TLCD4: variants seen among roughly 807,000 people sequenced by gnomAD.
The protein encoded by TLCD4 is TLC domain-containing protein 4.
A neutral mutation model predicts 24.2 loss-of-function variants in TLCD4; 7 were observed. The observed-to-expected ratio is 0.29, with a 90% confidence interval of 0.16 to 0.54. The LOEUF (loss-of-function observed/expected upper bound fraction) is 0.54. TLCD4 is among the 20% of genes least tolerant of loss of function. TLCD4 has a pLI of 0.95. For missense variants in TLCD4, 259 were observed against 313.9 expected (o/e 0.82, Z 1.32); for synonymous variants, 103 against 106.4 (o/e 0.97, Z 0.20).
At chr1:95,188,608 C>T (rs1163302380) in intron 6 of TLCD4, among the ~76,000 whole-genome samples, 1 of 151,954 alleles carries the variant, frequency 6.6e-6, no homozygotes, top group African/African-American at 2.4e-5. Flanking sequence ...TTATTTTATA[C>T]TTTAGGTTAT....
intron 2 of TLCD4, among the ~76,000 whole-genome samples, chr1:95,148,311 T>C (rs1053081322): frequency 1.3e-5 from 2 of 152,348 alleles, no homozygotes; most frequent in Non-Finnish European, 2.9e-5. Flanking sequence ...GCAGGAAACT[T>C]ATCCTGCATT....
chr1:95,109,917 A>C, the TLCD4 span, among the ~76,000 whole-genome samples: 1 of 3,830 alleles, frequency 2.6e-4, no homozygotes, highest in Non-Finnish European at 3.8e-4. Context: ...GTATGCATAT[A>C]TATATATATA....
intron 6 of TLCD4, among the ~76,000 whole-genome samples, chr1:95,184,714 T>C (rs1380869341): frequency 6.6e-6 from 1 of 152,208 alleles, no homozygotes; most frequent in East Asian, 1.9e-4. Context: ...CCCACATGCA[T>C]GTTTTCCTCC....
At chr1:95,150,064 T>C (rs1237268610) in intron 3 of TLCD4, 144 bp from the exon 4 acceptor site, 2 of 1,159,878 alleles carry the variant, frequency 1.7e-6, no homozygotes, top group African/African-American at 3.1e-5. Context: ...CATTGTGTGT[T>C]TTGCAATTTT....
chr1:95,112,396 TAAATA>T (rs1676357466), upstream of TLCD4, among the ~76,000 whole-genome samples: 1 of 151,840 alleles, frequency 6.6e-6, no homozygotes, highest in Non-Finnish European at 1.5e-5. Flanking sequence ...AAACAGCAAA[TAAATA>T]AAAGAAAAAA....
At chr1:95,141,846 A>G (rs1463493541) in intron 1 of TLCD4, among the ~76,000 whole-genome samples, 1 of 130,858 alleles carries the variant, frequency 7.6e-6, no homozygotes, top group African/African-American at 2.6e-5. Flanking sequence ...GAATGAGGAA[A>G]GAATTCATTA....
intron 5 of TLCD4, among the ~76,000 whole-genome samples, chr1:95,173,327 T>TC (rs1678295390): frequency 6.6e-6 from 1 of 151,952 alleles, no homozygotes; most frequent in Admixed American, 6.5e-5. Flanking sequence ...TTTTTTTTTT[T>TC]GAGACGGAGT....
intron 5 of TLCD4, among the ~76,000 whole-genome samples, chr1:95,156,069 A>G (rs1186628690): frequency 1.3e-5 from 2 of 152,154 alleles, no homozygotes; most frequent in Non-Finnish European, 2.9e-5. Context: ...TGGGCTTAGT[A>G]AGTATAATGT....
the TLCD4 span, among the ~76,000 whole-genome samples, chr1:95,097,789 A>G: frequency 7.2e-5 from 11 of 152,356 alleles, no homozygotes; most frequent in East Asian, 1.9e-3. Context: ...GACACAAGAA[A>G]TAGTTGATAA....
chr1:95,150,345 T>C, intron 4 of TLCD4, 79 bp downstream of exon 4: 1 of 1,535,772 alleles, frequency 6.5e-7, no homozygotes, highest in Non-Finnish European at 8.7e-7. Context: ...AGTCTATGCT[T>C]TTGGTTTATT....
At chr1:95,171,123 A>C (rs1197617374) in intron 5 of TLCD4, among the ~76,000 whole-genome samples, 2 of 152,160 alleles carry the variant, frequency 1.3e-5, no homozygotes, top group East Asian at 3.9e-4. Flanking sequence ...TGTTATTTTA[A>C]ATTTTTGTAT....
At chr1:95,171,036 T>C (rs1272985814) in intron 5 of TLCD4, among the ~76,000 whole-genome samples, 2 of 146,444 alleles carry the variant, frequency 1.4e-5, no homozygotes, top group African/African-American at 5.3e-5. Context: ...GCTCAGACAT[T>C]TGTGCTTTTC....
chr1:95,193,509 A>G lies in TLCD4; in HGVS notation c.*1641A>G, dbSNP rs1679091841. ...AATTGAACTCATACCAAAAGATGTA[A>G]TCCAGTTTCTCAGTTTGAAGGAGAA... On this transcript the variant is annotated 3_prime_UTR_variant, in exon 7 of 7. Transcript: ENST00000370203. 1 of 152,102 alleles carries G rather than the reference A, an allele frequency of 6.6e-6. No individual in the cohort carries two copies. Among genetic ancestry groups the G allele is most frequent in the Admixed American group, 6.5e-5 (1 of 15,280 alleles). The allele number at this position is 152,102 out of a possible 1,614,324, so 9.4% of individuals were successfully genotyped here.
chr1:95,111,464 G>C, the TLCD4 span, among the ~76,000 whole-genome samples: 1 of 152,218 alleles, frequency 6.6e-6, no homozygotes, highest in Non-Finnish European at 1.5e-5. Context: ...GACCAGAGGT[G>C]TTTATCATGT....
the TLCD4 span, among the ~76,000 whole-genome samples, chr1:95,111,393 C>T: frequency 1.3e-5 from 2 of 151,794 alleles, no homozygotes; most frequent in Non-Finnish European, 2.9e-5. Context: ...TTCTGGATCC[C>T]TTTCTGTTAT....
chr1:95,172,552 A>G (rs1291330733), intron 5 of TLCD4, among the ~76,000 whole-genome samples: 1 of 152,148 alleles, frequency 6.6e-6, no homozygotes, highest in Non-Finnish European at 1.5e-5. Flanking sequence ...GTCTTTGGCC[A>G]TCCCTCCTTC....
At chr1:95,148,279 A>C (rs1449974227) in intron 2 of TLCD4, among the ~76,000 whole-genome samples, 1 of 152,180 alleles carries the variant, frequency 6.6e-6, no homozygotes, top group Non-Finnish European at 1.5e-5. Context: ...GTAGATCTGG[A>C]AGTCATTCCC....
chr1:95,139,684 A>G (rs1304120011), intron 1 of TLCD4, among the ~76,000 whole-genome samples: 1 of 151,752 alleles, frequency 6.6e-6, no homozygotes, highest in Non-Finnish European at 1.5e-5. Context: ...GGTCTCGAAC[A>G]CTTGACCTCA....
intron 5 of TLCD4, among the ~76,000 whole-genome samples, chr1:95,167,438 T>C (rs975956275): frequency 2.6e-5 from 4 of 152,098 alleles, no homozygotes; most frequent in Non-Finnish European, 4.4e-5. Context: ...GTGGTATCTG[T>C]TGGGAAATGC....
Sources: allele counts gnomAD v4.1 joint callset (sites outside exome capture counted in the v4.1 genomes callset), GRCh38; gene constraint gnomAD v4.1.1; transcripts MANE v1.5; gene names NCBI Gene and HGNC (gene_info 2026-07-23, HGNC 2026-07-21).